The following ESRRG variants were observed in gnomAD, a reference collection of about 807,000 sequenced individuals.
The protein encoded by ESRRG is estrogen-related receptor gamma.
A neutral mutation model predicts 44.0 loss-of-function variants in ESRRG; 13 were observed. That is an observed-to-expected ratio of 0.30 (90% CI 0.19 to 0.47). ESRRG has a LOEUF of 0.47. ESRRG is among the 20% of genes least tolerant of loss of function. ESRRG has a pLI of 1.00. For missense variants in ESRRG, 395 were observed against 580.6 expected, an observed-to-expected ratio of 0.68 and a Z score of 3.29; for synonymous variants, 215 against 214.6, an observed-to-expected ratio of 1.00 and a Z score of -0.02.
intron 1 of ESRRG, among the ~76,000 whole-genome samples, chr1:217,129,562 T>G (rs1489540780): frequency 6.6e-6 from 1 of 152,196 alleles, no homozygotes; most frequent in Non-Finnish European, 1.5e-5. Context: ...AGCTGATGAA[T>G]GTGTAAACAA....
intron 3 of ESRRG, among the ~76,000 whole-genome samples, chr1:216,649,209 T>C: frequency 6.6e-6 from 1 of 152,192 alleles, no homozygotes; most frequent in South Asian, 2.1e-4. Context: ...TCTTGTTCAC[T>C]GTTGTATCAC....
At chr1:216,744,316 A>G (rs2091122423) in intron 2 of ESRRG, among the ~76,000 whole-genome samples, 1 of 152,200 alleles carries the variant, frequency 6.6e-6, no homozygotes, top group Admixed American at 6.5e-5. Context: ...GCACTGCACT[A>G]GGCGCTAAAC....
intron 3 of ESRRG, among the ~76,000 whole-genome samples, chr1:216,569,074 C>A (rs371846094): frequency 2.8e-5 from 2 of 72,434 alleles, no homozygotes; most frequent in East Asian, 4.1e-4. Context: ...GAGAGAAAGA[C>A]AGAGAGAAAG....
intron 1 of ESRRG, among the ~76,000 whole-genome samples, chr1:217,039,603 C>T (rs2083483189): frequency 6.6e-6 from 1 of 152,132 alleles, no homozygotes; most frequent in Non-Finnish European, 1.5e-5. Context: ...CAGTCATCTC[C>T]CACTAGCTCC....
At chr1:216,649,490 A>G (rs1487108097) in intron 3 of ESRRG, among the ~76,000 whole-genome samples, 1 of 148,112 alleles carries the variant, frequency 6.8e-6, no homozygotes, top group Non-Finnish European at 1.5e-5. Context: ...ATCTCTCTCT[A>G]TATACATATA....
intron 2 of ESRRG, among the ~76,000 whole-genome samples, chr1:216,823,619 TTTTCC>T (rs1420656262): frequency 1.3e-5 from 2 of 152,202 alleles, no homozygotes; most frequent in African/African-American, 4.8e-5. Context: ...TTTATTTCCA[TTTTCC>T]TTTCTAGGCT....
intron 2 of ESRRG, among the ~76,000 whole-genome samples, chr1:216,905,297 G>T (rs561549570): frequency 1.3e-4 from 20 of 151,828 alleles, no homozygotes; most frequent in Admixed American, 1.1e-3. Context: ...CTCCAGTCAT[G>T]TTGCCTTTTT....
At chr1:216,811,579 G>T (rs994786572) in intron 2 of ESRRG, among the ~76,000 whole-genome samples, 3 of 152,158 alleles carry the variant, frequency 2.0e-5, no homozygotes, top group African/African-American at 7.2e-5. Flanking sequence ...TCTTCTTGAG[G>T]ATTAGGCTCC....
chr1:216,853,504 C>G (rs10779282), intron 2 of ESRRG, among the ~76,000 whole-genome samples: 34,723 of 152,164 alleles, frequency 0.23, 4,190 homozygotes, highest in African/African-American at 0.29. Context: ...ACACCTTCCT[C>G]TAGCTCCTCC....
intron 2 of ESRRG, among the ~76,000 whole-genome samples, chr1:216,927,647 G>A (rs1355570407): frequency 2.0e-5 from 3 of 152,212 alleles, no homozygotes; most frequent in African/African-American, 7.2e-5. Flanking sequence ...TGAGCTTGAT[G>A]GCTAAGGCAC....
chr1:216,673,018 T>C (rs555432541), intron 2 of ESRRG, among the ~76,000 whole-genome samples: 24 of 152,258 alleles, frequency 1.6e-4, no homozygotes, highest in East Asian at 3.9e-4. Context: ...GGCCTGTCCA[T>C]TGGGGCTCTA....
chr1:216,797,552 G>T (rs2094505121), intron 2 of ESRRG, among the ~76,000 whole-genome samples: 1 of 152,000 alleles, frequency 6.6e-6, no homozygotes, highest in Admixed American at 6.6e-5. Context: ...CGTAAAGGGG[G>T]GAAAAAAATC....
intron 1 of ESRRG, among the ~76,000 whole-genome samples, chr1:216,682,395 C>T (rs2077176949): frequency 6.6e-6 from 1 of 152,170 alleles, no homozygotes; most frequent in African/African-American, 2.4e-5. Flanking sequence ...GAAAGGTAAT[C>T]ATCATCATTA....
At chr1:216,773,431 C>T (rs975238815) in intron 2 of ESRRG, among the ~76,000 whole-genome samples, 3 of 152,096 alleles carry the variant, frequency 2.0e-5, no homozygotes, top group African/African-American at 7.2e-5. Flanking sequence ...TTTATTTCTG[C>T]ACCACTGATC....
intron 5 of ESRRG, among the ~76,000 whole-genome samples, chr1:216,556,327 T>A (rs1370970903): frequency 6.6e-6 from 1 of 152,092 alleles, no homozygotes; most frequent in African/African-American, 2.4e-5. Flanking sequence ...AAGATTATAA[T>A]ATGTGGTGAA....
intron 2 of ESRRG, among the ~76,000 whole-genome samples, chr1:216,737,855 C>T (rs1417814361): frequency 6.6e-6 from 1 of 152,044 alleles, no homozygotes; most frequent in Non-Finnish European, 1.5e-5. Flanking sequence ...TAAATCCAAG[C>T]TCACTGTGAA....
At chr1:216,754,702 C>CTTT (rs202242433) in intron 2 of ESRRG, among the ~76,000 whole-genome samples, 1 of 121,314 alleles carries the variant, frequency 8.2e-6, no homozygotes, top group Non-Finnish European at 1.8e-5. Flanking sequence ...AGAGAAAGAA[C>CTTT]TTTTTTTTTT....
chr1:216,541,967 G>T (rs887252191), intron 5 of ESRRG, among the ~76,000 whole-genome samples: 3 of 151,798 alleles, frequency 2.0e-5, no homozygotes, highest in Non-Finnish European at 4.4e-5. Flanking sequence ...CGGGAGCCGA[G>T]CCCAAGACGT....
intron 2 of ESRRG, among the ~76,000 whole-genome samples, chr1:216,790,612 A>T (rs956068628): frequency 6.6e-6 from 1 of 152,176 alleles, no homozygotes; most frequent in Admixed American, 6.6e-5. Flanking sequence ...GATTAAAAAT[A>T]TATAGTACAT....
Sources: allele counts gnomAD v4.1 joint callset (sites outside exome capture counted in the v4.1 genomes callset), GRCh38; gene constraint gnomAD v4.1.1; transcripts MANE v1.5; gene names NCBI Gene and HGNC (gene_info 2026-07-23, HGNC 2026-07-21).